NAALADL2: variants seen among roughly 807,000 people sequenced by gnomAD.
The protein encoded by NAALADL2 is N-acetylated alpha-linked acidic dipeptidase like 2.
NAALADL2 carries 76 observed loss-of-function variants against 87.2 expected under a neutral mutation model. The observed-to-expected ratio is 0.87, with a 90% CI of 0.72 to 1.05. NAALADL2 has a LOEUF of 1.05. Among genes scored for constraint, NAALADL2 ranks in the 50% least tolerant of loss-of-function variants. The pLI is 0.00. For synonymous variants in NAALADL2, 354 were observed against 331.0 expected, an observed-to-expected ratio of 1.07 and a Z score of -0.75; for missense variants, 1,089 against 945.8, an observed-to-expected ratio of 1.15 and a Z score of -1.99.
chr3:174,831,591 T>A (rs1413746292), intron 3 of NAALADL2, among the ~76,000 whole-genome samples: 1 of 150,936 alleles, frequency 6.6e-6, no homozygotes, highest in African/African-American at 2.4e-5. Context: ...TGTCTCTGCC[T>A]GGCTTTGGTA....
At chr3:174,565,840 G>C (rs1400049171) in intron 2 of NAALADL2, among the ~76,000 whole-genome samples, 1 of 151,966 alleles carries the variant, frequency 6.6e-6, no homozygotes, top group African/African-American at 2.4e-5. Context: ...ATTTGGTGAT[G>C]TCAATTTGGA....
intron 2 of NAALADL2, among the ~76,000 whole-genome samples, chr3:174,712,438 A>G (rs1578644042): frequency 8.8e-6 from 1 of 113,252 alleles, no homozygotes; most frequent in Non-Finnish European, 1.6e-5. Context: ...CCCAGGCTGG[A>G]GTGCAATGGC....
At position 175,544,617 on chromosome 3, in the gene NAALADL2, G is replaced by A. The variant is rs1712974271; in HGVS notation, c.1654-31424G>A. On this transcript the variant is annotated intron_variant, in intron 9 of 13. Coordinates refer to ENST00000454872, the MANE Select transcript of NAALADL2 (RefSeq NM_207015.3). ...CCTCCTGTGTATTTGTCACTATTCT[G>A]TACATTGGAACTCAAAAGATCAGAG... is the stretch of plus-strand genomic sequence containing the variant. 2.0e-5 allele frequency among the ~76,000 whole-genome samples: 3 copies of A among 152,034 alleles called. No individual in the cohort carries two copies. In the South Asian group the frequency reaches 6.2e-4, roughly 31 times the overall value.
intron 10 of NAALADL2, among the ~76,000 whole-genome samples, chr3:175,596,452 A>G (rs900985656): frequency 1.3e-5 from 2 of 152,016 alleles, no homozygotes; most frequent in African/African-American, 4.8e-5. Flanking sequence ...TTGTAAATAT[A>G]GGAATAGACT....
At chr3:175,041,126 G>T (rs1754027607) in intron 1 of NAALADL2, among the ~76,000 whole-genome samples, 1 of 152,082 alleles carries the variant, frequency 6.6e-6, no homozygotes, top group African/African-American at 2.4e-5. Flanking sequence ...AGTCTGAAAA[G>T]TCACTTTTCA....
chr3:174,838,049 A>AC (rs1205859467), intron 3 of NAALADL2, among the ~76,000 whole-genome samples: 3 of 147,690 alleles, frequency 2.0e-5, no homozygotes, highest in Admixed American at 6.7e-5. Flanking sequence ...AAAAAAAAAA[A>AC]CTACAGACCA....
intron 11 of NAALADL2, among the ~76,000 whole-genome samples, chr3:175,687,593 C>T (rs535513631): frequency 1.3e-5 from 2 of 152,270 alleles, no homozygotes; most frequent in Non-Finnish European, 2.9e-5. Flanking sequence ...AGAGTCTGTA[C>T]TCTTTCCATG....
chr3:175,458,322 A>G (rs576071928), intron 6 of NAALADL2, among the ~76,000 whole-genome samples: 2 of 151,656 alleles, frequency 1.3e-5, no homozygotes, highest in Non-Finnish European at 2.9e-5. Flanking sequence ...ATATAAAAAT[A>G]TATCTATACA....
At chr3:175,336,127 C>CTTT (rs11368865) in intron 5 of NAALADL2, among the ~76,000 whole-genome samples, 4 of 151,230 alleles carry the variant, frequency 2.6e-5, no homozygotes, top group African/African-American at 9.7e-5. Context: ...TCTGAAGCTT[C>CTTT]TTTTTTTTTC....
chr3:175,202,613 T>C (rs1463109173), intron 2 of NAALADL2, among the ~76,000 whole-genome samples: 1 of 152,074 alleles, frequency 6.6e-6, no homozygotes, highest in East Asian at 1.9e-4. Context: ...CTGGAGGTGG[T>C]GCTTTCCAGA....
chr3:175,723,277 A>G (rs1742486325), intron 11 of NAALADL2, among the ~76,000 whole-genome samples: 1 of 152,124 alleles, frequency 6.6e-6, no homozygotes, highest in Non-Finnish European at 1.5e-5. Flanking sequence ...TGAGTCCTTC[A>G]GTACTCTCAG....
At chr3:175,741,669 A>C (rs527995658) in intron 12 of NAALADL2, among the ~76,000 whole-genome samples, 1 of 152,300 alleles carries the variant, frequency 6.6e-6, no homozygotes, top group South Asian at 2.1e-4. Context: ...GAAGAGATAC[A>C]TATTATAAAA....
At chr3:174,617,533 T>G (rs1030881247) in intron 2 of NAALADL2, among the ~76,000 whole-genome samples, 2 of 151,728 alleles carry the variant, frequency 1.3e-5, no homozygotes, top group Admixed American at 6.6e-5. Flanking sequence ...ATTTGACCTG[T>G]GAATTCAATT....
intron 5 of NAALADL2, among the ~76,000 whole-genome samples, chr3:175,375,039 T>G (rs2148963766): frequency 6.6e-6 from 1 of 152,270 alleles, no homozygotes; most frequent in East Asian, 1.9e-4. Context: ...TGAAAAAATC[T>G]TACTTTTCTT....
At chr3:174,640,957 G>T (rs904682900) in intron 2 of NAALADL2, among the ~76,000 whole-genome samples, 2 of 152,184 alleles carry the variant, frequency 1.3e-5, no homozygotes, top group African/African-American at 2.4e-5. Context: ...AAGCACCGAG[G>T]AAGGTAGCAG....
intron 1 of NAALADL2, among the ~76,000 whole-genome samples, chr3:174,447,833 T>A (rs1034273714): frequency 6.6e-6 from 1 of 151,936 alleles, no homozygotes; most frequent in Non-Finnish European, 1.5e-5. Context: ...TAAAATAAAA[T>A]AAAAATAAAA....
intron 1 of NAALADL2, among the ~76,000 whole-genome samples, chr3:175,043,070 G>T (rs1405216861): frequency 6.6e-6 from 1 of 152,138 alleles, no homozygotes; most frequent in East Asian, 1.9e-4. Context: ...CAGATCCTCA[G>T]TCATTAACTT....
chr3:175,600,833 G>T (rs953912482), intron 10 of NAALADL2, among the ~76,000 whole-genome samples: 9 of 152,110 alleles, frequency 5.9e-5, no homozygotes, highest in African/African-American at 1.7e-4. Context: ...CACCGCGCCC[G>T]GCCGTGTCTT....
intron 5 of NAALADL2, among the ~76,000 whole-genome samples, chr3:175,402,079 A>G (rs2149062165): frequency 6.6e-6 from 1 of 152,180 alleles, no homozygotes; most frequent in South Asian, 2.1e-4. Context: ...ATATGAATTA[A>G]TAGGTTGATG....
Sources: gnomAD v4.1 joint callset for allele counts (sites outside exome capture counted in the v4.1 genomes callset) on GRCh38, gnomAD v4.1.1 for gene constraint, MANE v1.5 for transcripts, NCBI Gene and HGNC (gene_info 2026-07-23, HGNC 2026-07-21) for gene names.